The following ALPK2 variants were observed in gnomAD, a reference collection of about 807,000 sequenced individuals.
ALPK2 encodes the protein alpha kinase 2.
ALPK2 carries 127 observed loss-of-function variants against 163.1 expected under a neutral mutation model. That is an observed-to-expected ratio of 0.78 (90% CI 0.67 to 0.90). The LOEUF (loss-of-function observed/expected upper bound fraction) is 0.90, where lower values mean the gene tolerates loss of function less well. ALPK2 is among the 40% of genes least tolerant of loss of function. The pLI is 0.00. For synonymous variants in ALPK2, 953 were observed against 959.1 expected (o/e 0.99, Z 0.12); for missense variants, 2,360 against 2,589.6 (o/e 0.91, Z 1.92).
chr18:58,571,795 G>A (rs1439183572), intron 4 of ALPK2, among the ~76,000 whole-genome samples: 1 of 152,042 alleles, frequency 6.6e-6, no homozygotes, highest in East Asian at 1.9e-4. Flanking sequence ...GGCCAAAACA[G>A]TGAAACCCCG....
intron 3 of ALPK2, among the ~76,000 whole-genome samples, chr18:58,603,811 GA>G (rs36090140): frequency 0.012 from 1,674 of 145,068 alleles, 30 homozygotes; most frequent in African/African-American, 0.036. Flanking sequence ...ACATCTTTTG[GA>G]AAAAAAAAAA....
chr18:58,483,989 T>C (rs1894676390), intron 12 of ALPK2, among the ~76,000 whole-genome samples: 1 of 152,124 alleles, frequency 6.6e-6, no homozygotes, highest in African/African-American at 2.4e-5. Flanking sequence ...CTGACATCTG[T>C]GAGTGGATGA....
chr18:58,596,787 G>A (rs1470403643), intron 3 of ALPK2, among the ~76,000 whole-genome samples: 3 of 152,100 alleles, frequency 2.0e-5, no homozygotes, highest in Non-Finnish European at 4.4e-5. Flanking sequence ...AGAACCCCTG[G>A]ATGCGTTGTG....
rs1410165948 is a variant in ALPK2, at chr18:58,579,007, G to A, written c.1769C>T (p.Ala590Val). ...ATCAGCATGGGAACTCCGACCAGTC[G>A]CTGCTGCTGTGGTGTGAGAAGTCTC... The part of the protein sequence containing the change: ...KRETSHTTAA[A>V]TGRSSHADAR... The change falls in exon 4 of 13, where the codon GCG becomes GTG. Residue 590 changes from alanine (A) to valine (V), a missense_variant. Ala to Val is a moderately conservative substitution (Grantham distance 64, BLOSUM62 0). Transcript: ENST00000361673. The A allele has an allele frequency of 1.7e-5, 27 of 1,614,094 alleles. No individual in the cohort carries two copies. Among genetic ancestry groups the A allele is most frequent in the Admixed American group, 3.3e-5 (2 of 60,010 alleles).
chr18:58,523,743 G>T, intron 8 of ALPK2, 63 bp downstream of exon 8: 1 of 1,597,890 alleles, frequency 6.3e-7, no homozygotes, highest in Non-Finnish European at 8.6e-7. Context: ...CTTTCCTCTG[G>T]GAGCTATTTT....
intron 2 of ALPK2, among the ~76,000 whole-genome samples, chr18:58,610,275 C>CAAAAAA (rs74183283): frequency 6.5e-5 from 4 of 61,898 alleles, no homozygotes; most frequent in African/African-American, 6.4e-5. Context: ...GACCCTGTCT[C>CAAAAAA]AAAAAAAAAA....
In ALPK2 at chr18:58,578,937, T is replaced by C; in HGVS notation, c.1839A>G (p.Lys613=). 1 of 1,614,204 alleles carries C rather than the reference T, an allele frequency of 6.2e-7. No homozygotes were observed. The highest frequency in any genetic ancestry group is 2.2e-5 in the East Asian group (1 of 44,890). Residue 613 remains lysine, a synonymous_variant, in exon 4 of 13, where the codon AAA becomes AAG. Coordinates refer to ENST00000361673, the MANE Select transcript of ALPK2 (RefSeq NM_052947.4). ...AISTQAEQEA[K]TLQTSTDSVS... is the part of the protein sequence containing the mutation. Reference sequence around the variant, plus strand: ...CTGAGTCTGTTGAAGTTTGAAGGGTTTTTGCTTCTTGCTCTGCCTGGGTTG... The same window carrying C: ...CTGAGTCTGTTGAAGTTTGAAGGGTCTTTGCTTCTTGCTCTGCCTGGGTTG...
chr18:58,504,977 C>G (rs1477813927), intron 10 of ALPK2, among the ~76,000 whole-genome samples: 1 of 152,022 alleles, frequency 6.6e-6, no homozygotes, highest in Non-Finnish European at 1.5e-5. Flanking sequence ...GGGAGATTGG[C>G]AGAGGTTGGG....
chr18:58,598,257 G>A (rs1368903140), intron 3 of ALPK2, among the ~76,000 whole-genome samples: 1 of 152,268 alleles, frequency 6.6e-6, no homozygotes, highest in African/African-American at 2.4e-5. Context: ...ATATGAGGGG[G>A]ACTCCACTGA....
chr18:58,580,776 A>C (rs1055073762), intron 3 of ALPK2: 6 of 549,042 alleles, frequency 1.1e-5, no homozygotes, highest in African/African-American at 7.5e-5. Context: ...AACTTTCCTC[A>C]ACGCTGCCTC....
At chr18:58,578,457 A>G (rs1240524213) in intron 4 of ALPK2, 1 of 173,324 alleles carries the variant, frequency 5.8e-6, no homozygotes, top group Non-Finnish European at 1.2e-5. Context: ...TGCTTGAGAA[A>G]CTTTCTGAAT....
intron 11 of ALPK2, among the ~76,000 whole-genome samples, chr18:58,503,049 G>A (rs2051440638): frequency 6.6e-6 from 1 of 152,198 alleles, no homozygotes. Flanking sequence ...CTCTACTGGC[G>A]TTTCCTGGGA....
At chr18:58,557,715 TTGG>T (rs56976966) in intron 4 of ALPK2, among the ~76,000 whole-genome samples, 3,346 of 44,642 alleles carry the variant, frequency 0.075, 77 homozygotes, top group African/African-American at 0.2. Context: ...TATTTTGTCA[TTGG>T]ATTGTATTTA....
intron 12 of ALPK2, among the ~76,000 whole-genome samples, chr18:58,484,426 C>T (rs8096849): frequency 0.037 from 5,685 of 152,172 alleles, 295 homozygotes; most frequent in African/African-American, 0.12. Context: ...GAAGCATTGC[C>T]GGCTGGTAAA....
chr18:58,559,775 G>A (rs1449520192), intron 4 of ALPK2, among the ~76,000 whole-genome samples: 1 of 152,168 alleles, frequency 6.6e-6, no homozygotes, highest in South Asian at 2.1e-4. Context: ...ACTGGAATTT[G>A]CACAGTCTGC....
chr18:58,562,905 T>A (rs1158878323), intron 4 of ALPK2, among the ~76,000 whole-genome samples: 2 of 152,148 alleles, frequency 1.3e-5, no homozygotes, highest in Non-Finnish European at 2.9e-5. Flanking sequence ...AATCTGGTCA[T>A]GGGGCCCCAG....
chr18:58,504,208 C>A, intron 10 of ALPK2, 60 bp from the exon 11 acceptor site: 1 of 1,386,668 alleles, frequency 7.2e-7, no homozygotes, highest in Non-Finnish European at 1.0e-6. Context: ...GAGGCTCCTG[C>A]GGCATTCTAC....
At chr18:58,569,254 C>A (rs1329301309) in intron 4 of ALPK2, among the ~76,000 whole-genome samples, 1 of 152,126 alleles carries the variant, frequency 6.6e-6, no homozygotes. Context: ...AGGCTCTCAA[C>A]CTTGGAAGTA....
At chr18:58,538,961 C>G (rs182385976) in intron 4 of ALPK2, among the ~76,000 whole-genome samples, 5 of 151,882 alleles carry the variant, frequency 3.3e-5, no homozygotes, top group African/African-American at 1.2e-4. Context: ...TGCCTCCCAT[C>G]GTGAGTTGGA....
Sources: allele counts gnomAD v4.1 joint callset (sites outside exome capture counted in the v4.1 genomes callset), GRCh38; gene constraint gnomAD v4.1.1; transcripts MANE v1.5; gene names NCBI Gene and HGNC (gene_info 2026-07-23, HGNC 2026-07-21).